The following RAP1GAP2 variants were observed in gnomAD, a reference collection of about 807,000 sequenced individuals.
RAP1GAP2 encodes rap1 GTPase-activating protein 2.
A neutral mutation model predicts 95.0 loss-of-function variants in RAP1GAP2; 27 were observed. That is an observed-to-expected ratio of 0.28 (90% CI 0.21 to 0.39). The LOEUF (loss-of-function observed/expected upper bound fraction) is 0.39. Among genes scored for constraint, RAP1GAP2 ranks in the 10% least tolerant of loss-of-function variants. RAP1GAP2 has a pLI of 1.00. For missense variants in RAP1GAP2, 771 were observed against 970.0 expected, an observed-to-expected ratio of 0.79 and a Z score of 2.72; for synonymous variants, 373 against 380.9, an observed-to-expected ratio of 0.98 and a Z score of 0.24.
intron 1 of RAP1GAP2, among the ~76,000 whole-genome samples, chr17:2,767,605 C>T (rs1362471689): frequency 6.6e-6 from 1 of 152,014 alleles, no homozygotes; most frequent in East Asian, 1.9e-4. Flanking sequence ...TGAGGCCCTG[C>T]ACTTGATTTT....
chr17:3,032,771 A>AG (rs2047367500), intron 24 of RAP1GAP2, among the ~76,000 whole-genome samples: 3 of 152,286 alleles, frequency 2.0e-5, no homozygotes, highest in Admixed American at 2.0e-4. Context: ...GGAGTTCCTG[A>AG]GGGCTCCCTT....
intron 13 of RAP1GAP2, 110 bp downstream of exon 13, chr17:2,995,576 C>A (rs1020309200): frequency 7.0e-7 from 1 of 1,432,846 alleles, no homozygotes; most frequent in Admixed American, 2.1e-5. Context: ...TTCCCGTAGC[C>A]GGCCATTCGT....
upstream of RAP1GAP2, among the ~76,000 whole-genome samples, chr17:2,776,718 C>T (rs1192500175): frequency 6.7e-6 from 1 of 149,448 alleles, no homozygotes; most frequent in African/African-American, 2.4e-5. Flanking sequence ...CGAGGGGCGC[C>T]AGGTGTGCGG....
At chr17:2,821,197 A>G (rs918219074) in intron 2 of RAP1GAP2, among the ~76,000 whole-genome samples, 8 of 151,930 alleles carry the variant, frequency 5.3e-5, no homozygotes, top group African/African-American at 1.2e-4. Context: ...TGTCACAAGC[A>G]TTTCCATATA....
intron 2 of RAP1GAP2, among the ~76,000 whole-genome samples, chr17:2,886,145 GT>G: frequency 9.5e-6 from 1 of 105,408 alleles, no homozygotes; most frequent in Admixed American, 9.3e-5. Context: ...ATGTGTGTGT[GT>G]GTGTGTGTGT....
Position 2,980,311 on chromosome 17 carries a change from G to T in RAP1GAP2, c.621G>T (p.Glu207Asp). ...GGTCCAAACTGAAGACGGTACATGA[G>T]CGGATCCCCTTGGCTGGACTGAGCA... ...ILRSKLKTVH[E>D]RIPLAGLSKL... The change falls in exon 9 of 25, where the codon GAG (glutamate) becomes GAT (aspartate). Residue 207 changes from glutamate (E) to aspartate (D), a missense_variant. Glu to Asp is a conservative substitution (Grantham distance 45). Coordinates refer to ENST00000254695, the MANE Select transcript of RAP1GAP2 (RefSeq NM_015085.5). The T allele has an allele frequency of 6.2e-7, 1 of 1,613,880 alleles. No homozygotes were observed. The highest frequency in any genetic ancestry group is 8.5e-7 in the Non-Finnish European group (1 of 1,179,876).
upstream of RAP1GAP2, among the ~76,000 whole-genome samples, chr17:2,772,870 T>TTG (rs1567637240): frequency 3.3e-5 from 5 of 149,512 alleles, no homozygotes; most frequent in African/African-American, 1.2e-4. Flanking sequence ...TTTTTTTTTT[T>TTG]TTTTTGAGAC....
In RAP1GAP2 at chr17:2,859,585, G is replaced by A. The variant is rs918395442; in HGVS notation, c.81-45699G>A. 9.2e-5 allele frequency among the ~76,000 whole-genome samples: 14 copies of A among 151,844 alleles called. No individual in the cohort carries two copies. In the East Asian group the frequency reaches 1.5e-3, roughly 17 times the overall value. On this transcript the variant is annotated intron_variant, in intron 2 of 24. Transcript: ENST00000254695. ...CAAGTAGCTGGGACTACAGGTGTCC[G>A]TCACAACACCCAGCTAATTTTTGTA...
intron 2 of RAP1GAP2, among the ~76,000 whole-genome samples, chr17:2,892,442 G>T (rs930335819): frequency 6.6e-6 from 1 of 152,130 alleles, no homozygotes; most frequent in African/African-American, 2.4e-5. Context: ...AACGTCTGGG[G>T]ACCTCATCTT....
At chr17:2,782,185 C>T (rs1174320890) in intron 1 of RAP1GAP2, among the ~76,000 whole-genome samples, 1 of 152,168 alleles carries the variant, frequency 6.6e-6, no homozygotes, top group Admixed American at 6.5e-5. Flanking sequence ...GTTTCTCCCT[C>T]TGTCTGAGGA....
intron 3 of RAP1GAP2, among the ~76,000 whole-genome samples, chr17:2,917,921 G>T (rs2042622258): frequency 6.6e-6 from 1 of 151,922 alleles, no homozygotes; most frequent in African/African-American, 2.4e-5. Flanking sequence ...TAACCATGTT[G>T]GCCAGGCTGG....
rs148597762 is a variant in RAP1GAP2 at position 2,867,239 on chromosome 17, G to A, written c.81-38045G>A. 1.6e-3 allele frequency among the ~76,000 whole-genome samples: 242 copies of A among 152,246 alleles called. 3 individuals are homozygous for A. In the East Asian group the frequency reaches 0.026, roughly 17 times the overall value. On this transcript the variant is annotated intron_variant, in intron 2 of 24. Coordinates refer to ENST00000254695, the MANE Select transcript of RAP1GAP2 (RefSeq NM_015085.5). The surrounding 1 kb of genome is among the most constrained non-coding windows in gnomAD (Gnocchi z 4.5). ...TAGCTGATTTAGTCAAGAAACTTTT[G>A]GTTTGAAGTGGCAAGCCCCAATTCA...
At chr17:3,013,773 T>A (rs2046655388) in intron 17 of RAP1GAP2, among the ~76,000 whole-genome samples, 1 of 151,470 alleles carries the variant, frequency 6.6e-6, no homozygotes, top group African/African-American at 2.4e-5. Context: ...GAGCCCAGGG[T>A]TCTGGGTTTG....
chr17:2,823,391 G>A (rs1357920945), intron 2 of RAP1GAP2, among the ~76,000 whole-genome samples: 9 of 152,180 alleles, frequency 5.9e-5, no homozygotes, highest in African/African-American at 1.2e-4. Context: ...CCCAAACAGC[G>A]TGGGTTCAGG....
intron 8 of RAP1GAP2, among the ~76,000 whole-genome samples, chr17:2,973,268 C>A (rs1466329187): frequency 6.6e-6 from 1 of 152,148 alleles, no homozygotes; most frequent in Non-Finnish European, 1.5e-5. Flanking sequence ...GTAATCCCAG[C>A]ACTTTGGGTG....
rs115090885 is a variant in RAP1GAP2 at position 2,899,804 on chromosome 17, C to T, written c.81-5480C>T. Among the ~76,000 whole-genome samples the T allele has an allele frequency of 5.5e-3, 834 of 152,344 alleles. 7 individuals are homozygous for T. Among genetic ancestry groups the T allele is most frequent in the African/African-American group, 0.019 (801 of 41,582 alleles). ...GGGATTACAGGCATGAGCCACTGCC[C>T]GTGGTCCTATTTTTATTTTTGAAAA... On this transcript the variant is annotated intron_variant, in intron 2 of 24. Transcript: ENST00000254695.
intron 17 of RAP1GAP2, among the ~76,000 whole-genome samples, chr17:3,016,348 C>T (rs1198868061): frequency 6.6e-6 from 1 of 152,262 alleles, no homozygotes; most frequent in Non-Finnish European, 1.5e-5. Context: ...TGACTTAATC[C>T]TGCGTCCCAT....
chr17:2,792,306 A>G (rs1411247324), upstream of RAP1GAP2, among the ~76,000 whole-genome samples: 1 of 152,228 alleles, frequency 6.6e-6, no homozygotes, highest in African/African-American at 2.4e-5. Flanking sequence ...CGTCCTTGAC[A>G]GTAATGATAG....
chr17:2,808,843 G>A (rs1193505078), intron 2 of RAP1GAP2, among the ~76,000 whole-genome samples: 2 of 152,198 alleles, frequency 1.3e-5, no homozygotes, highest in Non-Finnish European at 2.9e-5. Flanking sequence ...GTGTGTGCAC[G>A]CTCGCCCATG....
Sources: gnomAD v4.1 joint callset for allele counts (sites outside exome capture counted in the v4.1 genomes callset) on GRCh38, gnomAD v4.1.1 for gene constraint, Gnocchi (gnomAD v3.1) non-coding constraint, MANE v1.5 for transcripts, NCBI Gene and HGNC (gene_info 2026-07-23, HGNC 2026-07-21) for gene names.